The following ABCC1 variants were observed in gnomAD, a reference collection of about 807,000 sequenced individuals.
ABCC1 encodes ATP binding cassette subfamily C member 1 (ABCC1 blood group), also known as multidrug resistance-associated protein 1.
A neutral mutation model predicts 172.9 loss-of-function variants in ABCC1; 83 were observed. That is an observed-to-expected ratio of 0.48 (90% CI 0.40 to 0.58). The LOEUF (loss-of-function observed/expected upper bound fraction) is 0.58. Ranked by LOEUF, ABCC1 falls within the 20% of genes least tolerant of loss-of-function variation. The pLI is 0.00. For missense variants in ABCC1, 1,817 were observed against 2,002.7 expected (o/e 0.91, Z 1.77); for synonymous variants, 937 against 825.2 (o/e 1.14, Z -2.32).
intron 8 of ABCC1, 30 bp from the exon 9 acceptor site, chr16:16,045,804 TCA>T (rs774014044): frequency 1.3e-5 from 21 of 1,608,150 alleles, no homozygotes; most frequent in Non-Finnish European, 1.7e-5. Context: ...GTGTCACAAG[TCA>T]TTCCAGGCCC....
chr16:16,042,024 G>T (rs1223521295), intron 7 of ABCC1, among the ~76,000 whole-genome samples: 1 of 152,004 alleles, frequency 6.6e-6, no homozygotes, highest in Non-Finnish European at 1.5e-5. Flanking sequence ...GAATTGTTTG[G>T]ATTTAAAAAC....
At chr16:16,050,625 G>A (rs2049386881) in intron 10 of ABCC1, among the ~76,000 whole-genome samples, 1 of 151,480 alleles carries the variant, frequency 6.6e-6, no homozygotes, top group South Asian at 2.1e-4. Context: ...GATATAGGTG[G>A]CATGCGCCTG....
chr16:16,040,072 A>ATGTT (rs2048916947), intron 7 of ABCC1, among the ~76,000 whole-genome samples: 1 of 141,110 alleles, frequency 7.1e-6, no homozygotes, highest in African/African-American at 3.1e-5. Flanking sequence ...GTTTGTATGT[A>ATGTT]TGTATGTATG....
intron 1 of ABCC1, among the ~76,000 whole-genome samples, chr16:15,998,220 G>T (rs1306090474): frequency 6.6e-6 from 1 of 151,988 alleles, no homozygotes; most frequent in Non-Finnish European, 1.5e-5. Context: ...AAGCCCCTAG[G>T]CTCAAAAGAT....
At chr16:16,138,877 CT>C (rs2046020155) in intron 30 of ABCC1, among the ~76,000 whole-genome samples, 1 of 152,042 alleles carries the variant, frequency 6.6e-6, no homozygotes, top group Admixed American at 6.6e-5. Context: ...GCCCATCTAA[CT>C]TTTATATTTT....
At chr16:16,112,256 G>A (rs1250145546) in intron 22 of ABCC1, among the ~76,000 whole-genome samples, 1 of 151,980 alleles carries the variant, frequency 6.6e-6, no homozygotes, top group African/African-American at 2.4e-5. Context: ...CAGCTACTTG[G>A]GCAGCTGAGG....
At chr16:15,982,097 A>G (rs781175327) in intron 1 of ABCC1, among the ~76,000 whole-genome samples, 1 of 152,142 alleles carries the variant, frequency 6.6e-6, no homozygotes, top group Non-Finnish European at 1.5e-5. Context: ...GGTCCAAGTC[A>G]TTCAATAAGT....
chr16:15,982,276 G>A (rs1022874901), intron 1 of ABCC1, among the ~76,000 whole-genome samples: 1 of 152,018 alleles, frequency 6.6e-6, no homozygotes, highest in Non-Finnish European at 1.5e-5. Context: ...TTGTTCTCAC[G>A]CTGCTATAAA....
At chr16:16,112,185 C>G (rs903881) in intron 22 of ABCC1, among the ~76,000 whole-genome samples, 1 of 151,744 alleles carries the variant, frequency 6.6e-6, no homozygotes, top group Admixed American at 6.6e-5. Context: ...GACCCTATTT[C>G]TAGAAAAAAT....
Position 16,068,286 on chromosome 16 carries a change from T to G in ABCC1, c.1808T>G (p.Ile603Ser). ...RFPLNILPMV[I>S]SSIVQASVSL... ...CCCCTGAACATTCTCCCCATGGTCA[T>G]CAGCAGCATCGTGCAGGTACAGGGG... The change falls in exon 13 of 31, where the codon ATC becomes AGC. Residue 603 changes from isoleucine (I) to serine (S), a missense_variant. Transcript: ENST00000399410. 1 of 1,614,074 alleles carries G rather than the reference T, an allele frequency of 6.2e-7. No homozygotes were observed. The highest frequency in any genetic ancestry group is 1.3e-5 in the African/African-American group (1 of 75,022).
intron 1 of ABCC1, among the ~76,000 whole-genome samples, chr16:15,992,652 C>T (rs1489363872): frequency 6.6e-6 from 1 of 152,192 alleles, no homozygotes; most frequent in Admixed American, 6.5e-5. Context: ...CCTCCCGCCT[C>T]GGCCTCCCAA....
chr16:16,098,951 G>T (rs778023813), intron 19 of ABCC1: 2 of 1,330,492 alleles, frequency 1.5e-6, no homozygotes, highest in Non-Finnish European at 1.0e-6. Context: ...AATGAGGCCA[G>T]AGACGGGCCG....
intron 1 of ABCC1, among the ~76,000 whole-genome samples, chr16:15,950,184 CT>C (rs1195124507): frequency 5.3e-5 from 8 of 151,588 alleles, no homozygotes; most frequent in Admixed American, 2.0e-4. Context: ...GTTTTCCCAT[CT>C]TTTTTGTGGT....
intron 2 of ABCC1, 144 bp downstream of exon 2, chr16:16,008,136 GA>G: frequency 1.1e-6 from 1 of 872,134 alleles, no homozygotes; most frequent in East Asian, 2.7e-5. Context: ...TGTGGGAGGT[GA>G]AAACTGGAGC....
At chr16:16,075,146 C>T (rs1231216765) in intron 14 of ABCC1, among the ~76,000 whole-genome samples, 2 of 151,846 alleles carry the variant, frequency 1.3e-5, no homozygotes, top group South Asian at 2.1e-4. Context: ...GGTTTCACCA[C>T]GTTGGCCAGG....
At chr16:16,034,076 G>A (rs2151835631) in intron 6 of ABCC1, among the ~76,000 whole-genome samples, 1 of 126,558 alleles carries the variant, frequency 7.9e-6, no homozygotes, top group Non-Finnish European at 1.6e-5. Flanking sequence ...CGCTGAGGCT[G>A]GAGTGCAGCG....
At chr16:16,023,836 G>C (rs1301826364) in intron 5 of ABCC1, among the ~76,000 whole-genome samples, 1 of 152,156 alleles carries the variant, frequency 6.6e-6, no homozygotes, top group African/African-American at 2.4e-5. Context: ...TTTGGAGGTG[G>C]TGGGGTGGGA....
chr16:16,079,882 C>T (rs1467738512), intron 16 of ABCC1, among the ~76,000 whole-genome samples: 2 of 150,728 alleles, frequency 1.3e-5, no homozygotes, highest in African/African-American at 2.4e-5. Context: ...GGCGTGATCT[C>T]GGCTCACTGC....
Position 16,106,760 on chromosome 16 carries a change from T to C in ABCC1, c.2758T>C (p.Tyr920His), listed in dbSNP as rs1216873265. The change falls in exon 21 of 31, where the codon TAT becomes CAT. Residue 920 changes from tyrosine to histidine, a missense_variant. Tyr to His is a moderately conservative substitution (Grantham distance 83). Transcript: ENST00000399410. Reference protein sequence around the residue: ...LQRQLSSSSSYSGDISRHHNS... With the variant: ...LQRQLSSSSSHSGDISRHHNS... ...CAGACAGCTCAGCAGCTCCTCCTCC[T>C]ATAGTGGGGACATCAGCAGGCACCA... 6.2e-7 allele frequency: 1 copy of C among 1,613,972 alleles called. No individual in the cohort carries two copies. Among genetic ancestry groups the C allele is most frequent in the South Asian group, 1.1e-5 (1 of 91,080 alleles).
Sources: allele counts gnomAD v4.1 joint callset (sites outside exome capture counted in the v4.1 genomes callset), GRCh38; gene constraint gnomAD v4.1.1; transcripts MANE v1.5; gene names NCBI Gene and HGNC (gene_info 2026-07-23, HGNC 2026-07-21).